Variants in CLYBL observed in about 807,000 individuals in gnomAD.
CLYBL encodes the protein citramalyl-CoA lyase.
In CLYBL, 31 loss-of-function variants were observed where a neutral mutation model predicts 38.9. The ratio of observed to expected loss-of-function variants is 0.80; its 90% CI spans 0.60 to 1.08. The LOEUF is 1.08. Among genes scored for constraint, CLYBL ranks in the 50% least tolerant of loss-of-function variants. The pLI, the probability that CLYBL is intolerant of heterozygous loss-of-function variation, is 0.00. For synonymous variants in CLYBL, 171 were observed against 158.6 expected (o/e 1.08, Z -0.59); for missense variants, 434 against 411.6 (o/e 1.05, Z -0.47).
chr13:99,793,062 A>T (rs1373828186), intron 2 of CLYBL, among the ~76,000 whole-genome samples: 1 of 136,336 alleles, frequency 7.3e-6, no homozygotes, highest in Non-Finnish European at 1.7e-5. Flanking sequence ...ACACACACAC[A>T]CACACAAAGT....
chr13:99,609,872 T>G (rs761781026), intron 1 of CLYBL, among the ~76,000 whole-genome samples: 6 of 152,136 alleles, frequency 3.9e-5, no homozygotes, highest in Non-Finnish European at 7.4e-5. Flanking sequence ...TGATATTCTC[T>G]ATGTACTGAA....
chr13:99,838,863 T>C (rs535064060), intron 2 of CLYBL, among the ~76,000 whole-genome samples: 1 of 152,242 alleles, frequency 6.6e-6, no homozygotes, highest in Admixed American at 6.5e-5. Flanking sequence ...ATGGTCTCAA[T>C]CTCCTGACCT....
chr13:99,785,531 T>C lies in CLYBL; in HGVS notation c.249+12521T>C, dbSNP rs139804360. On this transcript the variant is annotated intron_variant, in intron 2 of 8. Coordinates refer to ENST00000339105, the MANE Select transcript of CLYBL (RefSeq NM_206808.5). ...CCCCAACCATTATTGTTTCCCCCTT[T>C]CCAGAGACAATCCCTTTTACCTGTT... is the stretch of plus-strand genomic sequence containing the variant. Among the ~76,000 whole-genome samples, 61 of 152,148 alleles carry C rather than the reference T, an allele frequency of 4.0e-4. 1 individual carries two copies. The highest frequency in any genetic ancestry group is 1.4e-3 in the African/African-American group (57 of 41,516).
intron 7 of CLYBL, among the ~76,000 whole-genome samples, chr13:99,890,290 C>T (rs72656011): frequency 0.032 from 4,903 of 152,204 alleles, 123 homozygotes; most frequent in Middle Eastern, 0.099. Flanking sequence ...TACTCTGAGC[C>T]TCAGTTTCCT....
Position 99,606,751 on chromosome 13 carries a change from T to C in CLYBL, c.56T>C (p.Leu19Pro). Residue 19 changes from leucine to proline, a missense_variant, in exon 1 of 9, where the codon CTG becomes CCG. Leu to Pro is a moderately conservative substitution (Grantham distance 98). Transcript: ENST00000339105. ...AARGAAAAAL[L>P]RLKASLAADI... is the part of the protein sequence containing the mutation. ...CGCGGAGCTGCGGCGGCGGCGCTGC[T>C]GAGGCTGTGAGTGCAGGTCCCCGTT... 3 of 1,476,726 alleles carry C rather than the reference T, an allele frequency of 2.0e-6. No homozygotes were observed. Among genetic ancestry groups the C allele is most frequent in the Non-Finnish European group, 2.7e-6 (3 of 1,119,000 alleles). 91.5% of individuals were successfully genotyped at this position (1,476,726 alleles called of 1,614,324 possible).
intron 2 of CLYBL, among the ~76,000 whole-genome samples, chr13:99,773,525 G>T (rs368164787): frequency 6.6e-6 from 1 of 152,256 alleles, no homozygotes; most frequent in East Asian, 1.9e-4. Context: ...TAGGTTGCAC[G>T]CTCCTTGTAA....
chr13:99,740,277 T>G (rs2048731445), intron 1 of CLYBL, among the ~76,000 whole-genome samples: 2 of 152,226 alleles, frequency 1.3e-5, no homozygotes, highest in Admixed American at 6.5e-5. Flanking sequence ...GACTCTGCCT[T>G]TGAGAGCTCA....
intron 1 of CLYBL, among the ~76,000 whole-genome samples, chr13:99,672,422 A>G (rs1412709835): frequency 6.6e-6 from 1 of 151,878 alleles, no homozygotes; most frequent in Non-Finnish European, 1.5e-5. Flanking sequence ...AACATCCACA[A>G]GACATGGAAT....
chr13:99,679,065 C>T (rs536214367), intron 1 of CLYBL, among the ~76,000 whole-genome samples: 7 of 152,124 alleles, frequency 4.6e-5, no homozygotes, highest in East Asian at 3.9e-4. Flanking sequence ...GAGGCCGAGG[C>T]GGGCAGATCA....
chr13:99,833,030 ATTTTTTTTT>A (rs869061868), intron 2 of CLYBL, among the ~76,000 whole-genome samples: 21 of 35,842 alleles, frequency 5.9e-4, no homozygotes, highest in East Asian at 5.1e-3. Context: ...ATATATATAT[ATTTTTTTTT>A]TTTTTTTTTT....
intron 2 of CLYBL, among the ~76,000 whole-genome samples, chr13:99,794,503 T>C (rs1465340194): frequency 1.3e-5 from 2 of 152,134 alleles, no homozygotes; most frequent in African/African-American, 4.8e-5. Flanking sequence ...ATGCTTCATA[T>C]CAAAACATAG....
intron 1 of CLYBL, among the ~76,000 whole-genome samples, chr13:99,656,554 C>T (rs549997260): frequency 1.3e-5 from 2 of 152,278 alleles, no homozygotes; most frequent in South Asian, 2.1e-4. Context: ...GCTGCATTGC[C>T]GCATTTTTAC....
intron 1 of CLYBL, among the ~76,000 whole-genome samples, chr13:99,659,416 C>T (rs971042542): frequency 9.9e-5 from 15 of 152,260 alleles, no homozygotes; most frequent in African/African-American, 3.4e-4. Context: ...AATTGCGACC[C>T]TTCAAACCAC....
Position 99,849,834 on chromosome 13 carries a change from G to GCCAAGGA in CLYBL, c.250-9027_250-9026insCCAAGGA, listed in dbSNP as rs1417934980. On this transcript the variant is annotated intron_variant, in intron 2 of 8. Transcript: ENST00000339105. The surrounding 1 kb of genome is among the most constrained non-coding windows in gnomAD (Gnocchi z 4.9). ...ACCAGCCAGTTGCCAGTCAGGGCCA[G>GCCAAGGA]GGCAAGGCAGCCAAGGAGGCAGACA... Among the ~76,000 whole-genome samples the GCCAAGGA allele has an allele frequency of 6.6e-6, 1 of 152,208 alleles. No homozygotes were observed. Among genetic ancestry groups the GCCAAGGA allele is most frequent in the African/African-American group, 2.4e-5 (1 of 41,440 alleles).
At chr13:99,721,679 G>C (rs2048395664) in intron 1 of CLYBL, among the ~76,000 whole-genome samples, 1 of 132,918 alleles carries the variant, frequency 7.5e-6, no homozygotes, top group Admixed American at 9.5e-5. Flanking sequence ...AATGGTTACT[G>C]TTCTTGTGTC....
At chr13:99,882,143 G>A (rs1260403387) in intron 7 of CLYBL, among the ~76,000 whole-genome samples, 1 of 152,066 alleles carries the variant, frequency 6.6e-6, no homozygotes. Flanking sequence ...ATATGTAGCT[G>A]TATTAGAACT....
chr13:99,641,438 G>C (rs890668736), intron 1 of CLYBL, among the ~76,000 whole-genome samples: 2 of 152,092 alleles, frequency 1.3e-5, no homozygotes, highest in African/African-American at 4.8e-5. Flanking sequence ...GGGAGGCCGA[G>C]GTGGGTGGAT....
intron 1 of CLYBL, among the ~76,000 whole-genome samples, chr13:99,743,257 C>T (rs969266767): frequency 4.6e-5 from 7 of 152,106 alleles, no homozygotes; most frequent in African/African-American, 1.7e-4. Context: ...ATTGATGCTG[C>T]AGGGCAATTG....
downstream of CLYBL, chr13:99,896,698 T>C (rs1401452448): frequency 6.6e-6 from 1 of 152,232 alleles, no homozygotes; most frequent in Non-Finnish European, 1.5e-5. Flanking sequence ...AAGAGGAAAA[T>C]GAACATTCCC....
Sources: allele counts gnomAD v4.1 joint callset (sites outside exome capture counted in the v4.1 genomes callset), GRCh38; gene constraint gnomAD v4.1.1; non-coding constraint Gnocchi (gnomAD v3.1); transcripts MANE v1.5; gene names NCBI Gene and HGNC (gene_info 2026-07-23, HGNC 2026-07-21).